MMUT: variants seen among roughly 807,000 people sequenced by gnomAD.
MMUT encodes the protein methylmalonyl-CoA mutase, mitochondrial.
Under a neutral mutation model 79.9 loss-of-function variants are expected in MMUT, and 79 were observed. That is an observed-to-expected ratio of 0.99 (90% CI 0.82 to 1.19). The LOEUF is 1.19. Ranked by LOEUF, MMUT falls within the 50% of genes most tolerant of loss-of-function variation. The probability of loss-of-function intolerance (pLI) is 0.00; values close to 1 mark genes in which losing one functional copy is unlikely to be tolerated. For missense variants in MMUT, 860 were observed against 917.2 expected (o/e 0.94, Z 0.81); for synonymous variants, 273 against 295.7 (o/e 0.92, Z 0.79).
At chr6:49,460,995 G>C (rs1581837478) in intron 1 of MMUT, among the ~76,000 whole-genome samples, 1 of 152,174 alleles carries the variant, frequency 6.6e-6, no homozygotes, top group East Asian at 1.9e-4. Context: ...ATATAAAATA[G>C]ATGTTTCCTA....
intron 7 of MMUT, 65 bp downstream of exon 7, chr6:49,448,751 T>C: frequency 7.3e-7 from 1 of 1,363,246 alleles, no homozygotes. Flanking sequence ...ACATGTTATC[T>C]TCAAACAGAA....
chr6:49,454,330 C>CAA (rs1183404092), intron 4 of MMUT, among the ~76,000 whole-genome samples: 1 of 152,126 alleles, frequency 6.6e-6, no homozygotes, highest in Admixed American at 6.5e-5. Context: ...TTTTTTGAGA[C>CAA]AGAGTCTTGT....
In MMUT at chr6:49,431,702, A is replaced by G. The variant is rs1214355303; in HGVS notation, c.*26T>C. ...GATCATAACTAAAATAATATTTTAG[A>G]CAAAAGCTAAAACAAAAAGAGGATA... On this transcript the variant is annotated 3_prime_UTR_variant, in exon 13 of 13. Coordinates refer to ENST00000274813, the MANE Select transcript of MMUT (RefSeq NM_000255.4). 3.1e-6 allele frequency: 5 copies of G among 1,603,226 alleles called. No individual in the cohort carries two copies. In the East Asian group the frequency reaches 1.1e-4, roughly 36 times the overall value.
In MMUT at chr6:49,441,214, T is replaced by C. The variant is rs537240480; in HGVS notation, c.1808+626A>G. Among the ~76,000 whole-genome samples, 10 of 152,278 alleles carry C rather than the reference T, an allele frequency of 6.6e-5. 1 individual carries two copies. In the South Asian group the frequency reaches 1.9e-3, roughly 28 times the overall value. On this transcript the variant is annotated intron_variant, in intron 10 of 12. Coordinates refer to ENST00000274813, the MANE Select transcript of MMUT (RefSeq NM_000255.4). ...CTTACACTTGAGAAATATGATCACA[T>C]TAATATATATTTCCAAGTCATGCTG...
At chr6:49,442,229 T>C (rs928761281) in intron 9 of MMUT, among the ~76,000 whole-genome samples, 2 of 152,082 alleles carry the variant, frequency 1.3e-5, no homozygotes, top group African/African-American at 4.8e-5. Context: ...CTAATAATTA[T>C]ATATATAGAC....
At chr6:49,445,648 A>T (rs1581825700) in intron 8 of MMUT, among the ~76,000 whole-genome samples, 3 of 152,198 alleles carry the variant, frequency 2.0e-5, no homozygotes, top group South Asian at 2.1e-4. Context: ...TTCCTAATAC[A>T]ATGTAAATAC....
chr6:49,454,795 C>T (rs573811663), intron 4 of MMUT, among the ~76,000 whole-genome samples: 2 of 152,290 alleles, frequency 1.3e-5, no homozygotes, highest in Non-Finnish European at 2.9e-5. Context: ...CCTAGAATCT[C>T]AGCACTTTAG....
At chr6:49,433,219 T>C (rs551431309) in intron 12 of MMUT, among the ~76,000 whole-genome samples, 5 of 152,258 alleles carry the variant, frequency 3.3e-5, no homozygotes, top group African/African-American at 9.6e-5. Flanking sequence ...CATCTCTAAA[T>C]TGGAGATGTC....
At chr6:49,443,369 T>C (rs1466408000) in intron 9 of MMUT, among the ~76,000 whole-genome samples, 1 of 152,188 alleles carries the variant, frequency 6.6e-6, no homozygotes, top group Non-Finnish European at 1.5e-5. Context: ...TCCTTGAATG[T>C]AACCCAATGC....
intron 3 of MMUT, 148 bp from the exon 4 acceptor site, chr6:49,456,385 CTTAT>C (rs1767691049): frequency 4.5e-6 from 3 of 673,244 alleles, no homozygotes; most frequent in Non-Finnish European, 7.7e-6. Context: ...ATATTTAATG[CTTAT>C]TTGTTACATT....
chr6:49,459,563 A>C, intron 1 of MMUT, 58 bp from the exon 2 acceptor site: 4 of 1,304,042 alleles, frequency 3.1e-6, no homozygotes, highest in Non-Finnish European at 4.2e-6. Context: ...AATAGGAGCT[A>C]CTCATAAGAA....
In MMUT at chr6:49,443,814, G is replaced by C. The variant is rs772070901; in HGVS notation, c.1676+825C>G. ...CAAATATCGTGTCTATGGGAACACTGAAGCAGATATAACATGAGATTAGAT... is the reference window on the plus strand; with the variant it reads ...CAAATATCGTGTCTATGGGAACACTCAAGCAGATATAACATGAGATTAGAT... On this transcript the variant is annotated intron_variant, in intron 9 of 12. Coordinates refer to ENST00000274813, the MANE Select transcript of MMUT (RefSeq NM_000255.4). 12 of 439,756 alleles carry C rather than the reference G, an allele frequency of 2.7e-5. 1 individual carries two copies. The highest frequency in any genetic ancestry group is 1.9e-4 in the South Asian group (12 of 61,898). 27.2% of individuals were successfully genotyped at this position (439,756 alleles called of 1,614,324 possible).
At chr6:49,461,030 CTT>C (rs1767826543) in intron 1 of MMUT, among the ~76,000 whole-genome samples, 1 of 152,062 alleles carries the variant, frequency 6.6e-6, no homozygotes, top group South Asian at 2.1e-4. Context: ...ATAGAGAAAA[CTT>C]AGGAAAATCG....
At chr6:49,432,003 T>C (rs192177415) in intron 12 of MMUT, 147 bp from the exon 13 acceptor site, 2 of 829,302 alleles carry the variant, frequency 2.4e-6, no homozygotes, top group East Asian at 2.7e-5. Flanking sequence ...AATTCTTCCT[T>C]GATTGGGAGT....
chr6:49,451,593 G>A lies in MMUT; in HGVS notation c.1205C>T (p.Ala402Val), dbSNP rs761323724. Residue 402 changes from alanine to valine, a missense_variant, in exon 6 of 13, where the codon GCT (alanine) becomes GTT (valine). Coordinates refer to ENST00000274813, the MANE Select transcript of MMUT (RefSeq NM_000255.4). ...EALGLPTVKS[A>V]RIARNTQIII... Reference sequence around the variant, plus strand: ...GATTTGTGTGTTCCTGGCAATTCGAGCACTTTTCACAGTTGGCAAACCCAA... The same window carrying A: ...GATTTGTGTGTTCCTGGCAATTCGAACACTTTTCACAGTTGGCAAACCCAA... The A allele has an allele frequency of 6.2e-7, 1 of 1,614,092 alleles. No individual in the cohort carries two copies. The highest frequency in any genetic ancestry group is 8.5e-7 in the Non-Finnish European group (1 of 1,179,996).
intron 7 of MMUT, among the ~76,000 whole-genome samples, chr6:49,448,609 C>A (rs1274445714): frequency 6.6e-6 from 1 of 152,086 alleles, no homozygotes; most frequent in Non-Finnish European, 1.5e-5. Flanking sequence ...GGTTAGACAT[C>A]CACACACACT....
At chr6:49,440,451 T>G in intron 10 of MMUT, 98 bp from the exon 11 acceptor site, 6 of 1,290,544 alleles carry the variant, frequency 4.6e-6, no homozygotes, top group Non-Finnish European at 6.5e-6. Flanking sequence ...TCAAGTTTAT[T>G]TAAAAGCACC....
At chr6:49,462,284 T>C (rs1386128762) in intron 1 of MMUT, among the ~76,000 whole-genome samples, 1 of 152,064 alleles carries the variant, frequency 6.6e-6, no homozygotes. Flanking sequence ...CAAAAACAAA[T>C]CAGTGAGAAA....
intron 1 of MMUT, among the ~76,000 whole-genome samples, chr6:49,461,447 A>T (rs1767839748): frequency 6.6e-6 from 1 of 152,210 alleles, no homozygotes; most frequent in South Asian, 2.1e-4. Flanking sequence ...CTATGTAAAA[A>T]GTACATAGAA....
Sources: allele counts gnomAD v4.1 joint callset (sites outside exome capture counted in the v4.1 genomes callset), GRCh38; gene constraint gnomAD v4.1.1; transcripts MANE v1.5; gene names NCBI Gene and HGNC (gene_info 2026-07-23, HGNC 2026-07-21).